The following GPATCH2 variants were observed in gnomAD, a reference collection of about 807,000 sequenced individuals.
The protein encoded by GPATCH2 is G patch domain-containing protein 2.
A neutral mutation model predicts 58.0 loss-of-function variants in GPATCH2; 51 were observed. That is an observed-to-expected ratio of 0.88 (90% confidence interval 0.70 to 1.11). The LOEUF is 1.11. Ranked by LOEUF, GPATCH2 falls within the 50% of genes most tolerant of loss-of-function variation. The probability of loss-of-function intolerance (pLI) is 0.00; values close to 1 mark genes in which losing one functional copy is unlikely to be tolerated. For synonymous variants in GPATCH2, 222 were observed against 218.5 expected (o/e 1.02, Z -0.14); for missense variants, 625 against 652.2 (o/e 0.96, Z 0.45).
chr1:217,601,443 A>G (rs1016318335), intron 5 of GPATCH2, among the ~76,000 whole-genome samples: 2 of 151,936 alleles, frequency 1.3e-5, no homozygotes, highest in Admixed American at 6.6e-5. Flanking sequence ...AAAAAAATTC[A>G]GAAGCATTAG....
intron 6 of GPATCH2, among the ~76,000 whole-genome samples, chr1:217,500,583 C>CA (rs1558437675): frequency 1.3e-5 from 2 of 151,894 alleles, no homozygotes; most frequent in African/African-American, 2.4e-5. Context: ...AATAGGCCAA[C>CA]AAAAAATGCT....
At chr1:217,606,485 C>T (rs1163251087) in intron 5 of GPATCH2, among the ~76,000 whole-genome samples, 1 of 152,038 alleles carries the variant, frequency 6.6e-6, no homozygotes, top group African/African-American at 2.4e-5. Flanking sequence ...AAGCCAGTTG[C>T]GGTGCTTCAC....
chr1:217,628,599 G>A (rs1254171067), intron 1 of GPATCH2, among the ~76,000 whole-genome samples: 1 of 148,218 alleles, frequency 6.7e-6, no homozygotes, highest in East Asian at 2.0e-4. Context: ...TACCTAATAG[G>A]AATGAAAATG....
At chr1:217,504,998 A>G (rs1662480209) in intron 6 of GPATCH2, among the ~76,000 whole-genome samples, 1 of 152,216 alleles carries the variant, frequency 6.6e-6, no homozygotes, top group Non-Finnish European at 1.5e-5. Flanking sequence ...ATTTATGTGT[A>G]TTTACACTGG....
At chr1:217,512,519 G>A (rs904490355) in intron 6 of GPATCH2, among the ~76,000 whole-genome samples, 4 of 152,164 alleles carry the variant, frequency 2.6e-5, no homozygotes, top group African/African-American at 7.2e-5. Flanking sequence ...CAAAGAGCAT[G>A]AGCCTGCTGA....
At position 217,431,312 on chromosome 1, in the gene GPATCH2, T is replaced by G. The variant is rs35737297; in HGVS notation, c.1420A>C (p.Met474Leu). Residue 474 changes from methionine to leucine, a missense_variant, in exon 10 of 10, where the codon ATG (methionine) becomes CTG (leucine). By Grantham distance (15) the Met-to-Leu change is conservative. Coordinates refer to ENST00000366935, the MANE Select transcript of GPATCH2 (RefSeq NM_018040.5). ...PILENNIGNR[M>L]LQNMGWTPGS... ...GGCGTCCAGCCCATATTCTGAAGCA[T>G]TCGGTTTCCAATATTATTTTCTAGG... 1.2e-6 allele frequency: 2 copies of G among 1,609,796 alleles called. No homozygotes were observed. The highest frequency in any genetic ancestry group is 1.7e-6 in the Non-Finnish European group (2 of 1,176,110).
intron 9 of GPATCH2, among the ~76,000 whole-genome samples, chr1:217,438,499 T>A (rs1452196187): frequency 1.3e-5 from 2 of 151,966 alleles, no homozygotes; most frequent in Admixed American, 6.5e-5. Context: ...GTAACTAGAA[T>A]AACCAGTTTA....
At chr1:217,536,771 T>C (rs907469962) in intron 5 of GPATCH2, among the ~76,000 whole-genome samples, 3 of 152,094 alleles carry the variant, frequency 2.0e-5, no homozygotes, top group Non-Finnish European at 4.4e-5. Flanking sequence ...GGTCAGGAGT[T>C]TGAGACCAGC....
chr1:217,608,751 GA>G (rs764546854), intron 5 of GPATCH2: 3 of 980,220 alleles, frequency 3.1e-6, no homozygotes, highest in African/African-American at 1.7e-5. Context: ...ATGTAATTCA[GA>G]AAAAAAACAT....
chr1:217,438,276 A>C (rs1272772697), intron 9 of GPATCH2, among the ~76,000 whole-genome samples: 1 of 152,200 alleles, frequency 6.6e-6, no homozygotes, highest in African/African-American at 2.4e-5. Context: ...AAGATGAAGA[A>C]AAAACAGCAC....
intron 1 of GPATCH2, among the ~76,000 whole-genome samples, chr1:217,624,352 T>C (rs758516376): frequency 6.6e-5 from 10 of 152,196 alleles, no homozygotes; most frequent in Non-Finnish European, 1.5e-4. Context: ...ACCCCGTCTC[T>C]ACTAAATATA....
chr1:217,523,384 C>T (rs974302310), intron 5 of GPATCH2, among the ~76,000 whole-genome samples: 9 of 151,608 alleles, frequency 5.9e-5, no homozygotes, highest in African/African-American at 2.2e-4. Flanking sequence ...TCTTAACGAG[C>T]ATGCTGCCTT....
At chr1:217,621,796 T>C (rs1232201477) in intron 1 of GPATCH2, among the ~76,000 whole-genome samples, 1 of 152,208 alleles carries the variant, frequency 6.6e-6, no homozygotes, top group South Asian at 2.1e-4. Flanking sequence ...ACAACACACA[T>C]TGTGATTCAA....
At chr1:217,617,456 C>G (rs1386251307) in intron 2 of GPATCH2, among the ~76,000 whole-genome samples, 11 of 152,140 alleles carry the variant, frequency 7.2e-5, no homozygotes, top group Non-Finnish European at 1.6e-4. Flanking sequence ...CTGTTGAGAA[C>G]AGAGTCTCCA....
chr1:217,493,294 A>T (rs181255688), intron 7 of GPATCH2, among the ~76,000 whole-genome samples: 1 of 152,306 alleles, frequency 6.6e-6, no homozygotes, highest in Non-Finnish European at 1.5e-5. Context: ...GACCCTTCAT[A>T]ATTTGATTAC....
In GPATCH2 at chr1:217,619,853, T is replaced by A; in HGVS notation, c.703A>T (p.Thr235Ser). The change falls in exon 2 of 10, where the codon ACG becomes TCG. Residue 235 changes from threonine (T) to serine (S), a missense_variant. Thr to Ser is a moderately conservative substitution (Grantham distance 58). Transcript: ENST00000366935. The stretch of plus-strand genomic sequence containing the variant: ...ATTTTGTCCTTATTGGTCTGGTTCG[T>A]TTCCTCACTTTCTAAAACTACTCCT... ...DEGVVLESEE[T>S]NQTNKDKMEC... The A allele has an allele frequency of 1.2e-6, 2 of 1,613,792 alleles. No homozygotes were observed. Among genetic ancestry groups the A allele is most frequent in the Non-Finnish European group, 1.7e-6 (2 of 1,179,832 alleles).
chr1:217,616,387 G>T (rs915595517), intron 2 of GPATCH2, among the ~76,000 whole-genome samples: 6 of 151,892 alleles, frequency 4.0e-5, no homozygotes, highest in Non-Finnish European at 1.5e-5. Context: ...CCCATCTCTG[G>T]TCCTTTTGTT....
chr1:217,520,191 T>C (rs1325138529), intron 5 of GPATCH2, among the ~76,000 whole-genome samples: 1 of 152,174 alleles, frequency 6.6e-6, no homozygotes, highest in South Asian at 2.1e-4. Context: ...CCTGGTAATA[T>C]GTCTAATGCT....
chr1:217,461,450 G>A (rs1202968830), intron 8 of GPATCH2, among the ~76,000 whole-genome samples: 5 of 152,164 alleles, frequency 3.3e-5, no homozygotes, highest in African/African-American at 1.2e-4. Context: ...TATATTCCTT[G>A]AAGGCAGTAA....
Sources: allele counts gnomAD v4.1 joint callset (sites outside exome capture counted in the v4.1 genomes callset), GRCh38; gene constraint gnomAD v4.1.1; transcripts MANE v1.5; gene names NCBI Gene and HGNC (gene_info 2026-07-23, HGNC 2026-07-21).